Variants in MYO1B observed in about 807,000 individuals in gnomAD.
MYO1B encodes the protein myosin IB.
A neutral mutation model predicts 159.7 loss-of-function variants in MYO1B; 72 were observed. That is an observed-to-expected ratio of 0.45 (90% confidence interval 0.37 to 0.55). MYO1B has a LOEUF of 0.55. Among genes scored for constraint, MYO1B ranks in the 20% least tolerant of loss-of-function variants. MYO1B has a pLI of 0.00. For missense variants in MYO1B, 1,062 were observed against 1,364.8 expected, an observed-to-expected ratio of 0.78 and a Z score of 3.50; for synonymous variants, 468 against 473.8, an observed-to-expected ratio of 0.99 and a Z score of 0.16.
At chr2:191,300,334 T>C (rs1249590906) in intron 3 of MYO1B, among the ~76,000 whole-genome samples, 1 of 133,356 alleles carries the variant, frequency 7.5e-6, no homozygotes, top group African/African-American at 2.8e-5. Flanking sequence ...GAAATTTACT[T>C]GTCAATTTTT....
chr2:191,418,313 A>G (rs1437098199), intron 30 of MYO1B, among the ~76,000 whole-genome samples: 1 of 151,990 alleles, frequency 6.6e-6, no homozygotes, highest in African/African-American at 2.4e-5. Context: ...CTAGCTCTAT[A>G]GAACCAGTGT....
intron 3 of MYO1B, among the ~76,000 whole-genome samples, 177 bp downstream of exon 3, chr2:191,296,403 A>C (rs1199577099): frequency 1.3e-5 from 2 of 152,198 alleles, no homozygotes; most frequent in Non-Finnish European, 2.9e-5. Flanking sequence ...AAAAGGCAGA[A>C]TACTTCATTT....
intron 1 of MYO1B, among the ~76,000 whole-genome samples, chr2:191,251,631 T>C (rs1288666323): frequency 6.6e-6 from 1 of 152,170 alleles, no homozygotes; most frequent in Non-Finnish European, 1.5e-5. Context: ...AAAATGAAAA[T>C]ATAGTAATGT....
chr2:191,359,311 G>GTTT (rs1232947822), intron 7 of MYO1B, among the ~76,000 whole-genome samples: 3,309 of 23,356 alleles, frequency 0.14, 131 homozygotes, highest in African/African-American at 0.26. Flanking sequence ...CAACCTTTGG[G>GTTT]GTTTTTTTTT....
At chr2:191,412,809 G>A (rs1683615562) in intron 27 of MYO1B, among the ~76,000 whole-genome samples, 1 of 150,622 alleles carries the variant, frequency 6.6e-6, no homozygotes, top group Admixed American at 6.7e-5. Context: ...AGTGATAAGT[G>A]TACAGTTAAC....
At chr2:191,276,380 A>G (rs1425691739) in intron 1 of MYO1B, among the ~76,000 whole-genome samples, 2 of 152,246 alleles carry the variant, frequency 1.3e-5, no homozygotes, top group Admixed American at 6.5e-5. Context: ...AGTGGGAATG[A>G]CAATACCTAC....
intron 3 of MYO1B, among the ~76,000 whole-genome samples, chr2:191,317,957 A>G (rs1690458709): frequency 6.6e-6 from 1 of 152,168 alleles, no homozygotes; most frequent in Non-Finnish European, 1.5e-5. Context: ...CATTAATTTT[A>G]TTTCTTTTTT....
Position 191,388,164 on chromosome 2 carries a change from A to G in MYO1B, c.1781+714A>G, listed in dbSNP as rs193153326. 3.3e-5 allele frequency: 5 copies of G among 152,270 alleles called. No homozygotes were observed. The East Asian group carries it at 9.7e-4, about 30-fold the overall frequency. The allele number at this position is 152,270 out of a possible 1,614,324, so 9.4% of individuals were successfully genotyped here. On this transcript the variant is annotated intron_variant, in intron 17 of 30. Transcript: ENST00000392318. The stretch of plus-strand genomic sequence containing the variant: ...CTGGGCGTGGTGGCAGGAACCTATA[A>G]TCCCAACTACTTGGGAGGCTGAGGC...
chr2:191,350,425 T>G (rs1040517049), intron 7 of MYO1B, 200 bp downstream of exon 7: 2 of 364,616 alleles, frequency 5.5e-6, no homozygotes, highest in Non-Finnish European at 9.7e-6. Flanking sequence ...CTTAACATCT[T>G]TACCTTGGAA....
At chr2:191,286,411 C>T (rs1214467926) in intron 2 of MYO1B, among the ~76,000 whole-genome samples, 9 of 151,648 alleles carry the variant, frequency 5.9e-5, no homozygotes. Context: ...TAATTAAAAA[C>T]ACCGTGGCAT....
intron 4 of MYO1B, among the ~76,000 whole-genome samples, chr2:191,338,067 T>C (rs1691970848): frequency 6.6e-6 from 1 of 152,174 alleles, no homozygotes; most frequent in African/African-American, 2.4e-5. Flanking sequence ...AATTCATCCT[T>C]ACTGGTTTAT....
intron 2 of MYO1B, among the ~76,000 whole-genome samples, chr2:191,289,314 T>C (rs1227517842): frequency 6.6e-6 from 1 of 152,244 alleles, no homozygotes; most frequent in South Asian, 2.1e-4. Context: ...GATTGTATGC[T>C]CTAATGAAAA....
intron 21 of MYO1B, 41 bp downstream of exon 21, chr2:191,396,538 C>G (rs1311593669): frequency 6.2e-7 from 1 of 1,601,970 alleles, no homozygotes; most frequent in Admixed American, 1.7e-5. Flanking sequence ...TTTGGGTTTT[C>G]TGGTTTTTCA....
chr2:191,329,746 A>G (rs368346546), intron 3 of MYO1B, among the ~76,000 whole-genome samples, 189 bp from the exon 4 acceptor site: 2 of 151,578 alleles, frequency 1.3e-5, no homozygotes, highest in South Asian at 4.1e-4. Context: ...AATACATGGA[A>G]GAAGGTAACG....
chr2:191,409,177 G>A lies in MYO1B; in HGVS notation c.2765G>A (p.Arg922Lys), dbSNP rs1221510473. The A allele has an allele frequency of 1.2e-6, 2 of 1,602,762 alleles. No homozygotes were observed. Among genetic ancestry groups the A allele is most frequent in the Non-Finnish European group, 8.5e-7 (1 of 1,177,196 alleles). ...KELKRIFHLW[R>K]CKKYRDQFTD... ...CTAAAAAGGATTTTCCACTTGTGGA[G>A]GGTAAAAAATGTCATATTACATCTT... is the stretch of plus-strand genomic sequence containing the variant. Residue 922 changes from arginine to lysine, a missense_variant and splice_region_variant, in exon 26 of 31, where the codon AGG becomes AAG. Transcript: ENST00000392318.
Position 191,283,030 on chromosome 2 carries a change from A to G in MYO1B, c.135+6000A>G, listed in dbSNP as rs147371469. Reference sequence around the variant, plus strand: ...TTAGAAGCCTAGATAAAGCTGTTGAAAAACAGCAAATCATGAGGGTGAAGG... The same window carrying G: ...TTAGAAGCCTAGATAAAGCTGTTGAGAAACAGCAAATCATGAGGGTGAAGG... On this transcript the variant is annotated intron_variant, in intron 2 of 30. Coordinates refer to ENST00000392318, the MANE Select transcript of MYO1B (RefSeq NM_001130158.3). Among the ~76,000 whole-genome samples, 15 of 152,368 alleles carry G rather than the reference A, an allele frequency of 9.8e-5. No individual in the cohort carries two copies. The South Asian group carries it at 2.9e-3, about 29-fold the overall frequency.
At position 191,364,138 on chromosome 2, in the gene MYO1B, C is replaced by T; in HGVS notation, c.914-20C>T. 6.3e-7 allele frequency: 1 copy of T among 1,590,844 alleles called. No homozygotes were observed. The highest frequency in any genetic ancestry group is 8.6e-7 in the Non-Finnish European group (1 of 1,159,480). On this transcript the variant is annotated intron_variant, in intron 10 of 30. Coordinates refer to ENST00000392318, the MANE Select transcript of MYO1B (RefSeq NM_001130158.3). ...CACGTGTACAGTCACTTTTTGTGTC[C>T]ATCCCCTGCCTTCCCACAGAGTTAA...
At chr2:191,273,064 A>G (rs1687550039) in intron 1 of MYO1B, among the ~76,000 whole-genome samples, 1 of 152,216 alleles carries the variant, frequency 6.6e-6, no homozygotes, top group African/African-American at 2.4e-5. Context: ...AGTTTGATCC[A>G]GAGGTTTGGG....
chr2:191,268,315 C>T (rs1222611440), intron 1 of MYO1B, among the ~76,000 whole-genome samples: 1 of 152,102 alleles, frequency 6.6e-6, no homozygotes, highest in African/African-American at 2.4e-5. Context: ...AGAGAAAGAG[C>T]GAACCCTGGT....
Sources: allele counts gnomAD v4.1 joint callset (sites outside exome capture counted in the v4.1 genomes callset), GRCh38; gene constraint gnomAD v4.1.1; transcripts MANE v1.5; gene names NCBI Gene and HGNC (gene_info 2026-07-23, HGNC 2026-07-21).